The following CTNNBL1 variants were observed in gnomAD, a reference collection of about 807,000 sequenced individuals.
CTNNBL1 encodes beta-catenin-like protein 1.
A neutral mutation model predicts 72.7 loss-of-function variants in CTNNBL1; 31 were observed. That is an observed-to-expected ratio of 0.43 (90% confidence interval 0.32 to 0.58). CTNNBL1 has a LOEUF of 0.58. Among genes scored for constraint, CTNNBL1 ranks in the 20% least tolerant of loss-of-function variants. The probability of loss-of-function intolerance (pLI) is 0.08; values close to 1 mark genes in which losing one functional copy is unlikely to be tolerated. For synonymous variants in CTNNBL1, 240 were observed against 267.3 expected (o/e 0.90, Z 1.00); for missense variants, 534 against 725.1 (o/e 0.74, Z 3.03).
At chr20:37,863,942 T>C (rs1214673927) in intron 15 of CTNNBL1, among the ~76,000 whole-genome samples, 2 of 152,194 alleles carry the variant, frequency 1.3e-5, no homozygotes, top group Non-Finnish European at 2.9e-5. Flanking sequence ...GGTGTGCCCC[T>C]GTCCTGCCTC....
At chr20:37,779,467 TTC>T in intron 10 of CTNNBL1, 132 bp downstream of exon 10, 2 of 972,892 alleles carry the variant, frequency 2.1e-6, no homozygotes, top group Non-Finnish European at 3.1e-6. Flanking sequence ...GAGTAAAGTC[TTC>T]AGGCATGGGG....
intron 15 of CTNNBL1, among the ~76,000 whole-genome samples, chr20:37,866,926 C>T (rs1045789379): frequency 6.6e-6 from 1 of 152,164 alleles, no homozygotes; most frequent in South Asian, 2.1e-4. Context: ...GGCTCGACTT[C>T]CCCGGGGCCT....
intron 3 of CTNNBL1, among the ~76,000 whole-genome samples, chr20:37,740,587 A>G (rs187081027): frequency 6.6e-6 from 1 of 152,160 alleles, no homozygotes; most frequent in Admixed American, 6.5e-5. Flanking sequence ...CAGGGACAGA[A>G]TTACTTAGTT....
intron 7 of CTNNBL1, among the ~76,000 whole-genome samples, chr20:37,771,292 A>G (rs1239803451): frequency 6.6e-6 from 1 of 152,210 alleles, no homozygotes; most frequent in Non-Finnish European, 1.5e-5. Context: ...TGTCTTTGGT[A>G]TATTTTAGAA....
chr20:37,820,807 A>G (rs2072100671), intron 11 of CTNNBL1, among the ~76,000 whole-genome samples: 1 of 152,190 alleles, frequency 6.6e-6, no homozygotes, highest in Admixed American at 6.5e-5. Flanking sequence ...TAAATTGCCC[A>G]GTCTCAGGTA....
intron 11 of CTNNBL1, among the ~76,000 whole-genome samples, chr20:37,815,233 A>G (rs891213631): frequency 1.3e-5 from 2 of 151,898 alleles, no homozygotes; most frequent in Non-Finnish European, 2.9e-5. Flanking sequence ...GGCAGGGTAA[A>G]TTTCAGGTGA....
intron 15 of CTNNBL1, among the ~76,000 whole-genome samples, chr20:37,867,700 T>TGCACACAC (rs1014128825): frequency 7.2e-5 from 11 of 152,130 alleles, no homozygotes; most frequent in Admixed American, 2.0e-4. Context: ...TACATACACA[T>TGCACACAC]GCACACACGC....
chr20:37,815,247 G>A lies in CTNNBL1; in HGVS notation c.1213+12199G>A, dbSNP rs560624723. ...AGGCAGGGTAAATTTCAGGTGAAAT[G>A]ATTAGGATGTGGAGGTAATAGCAGT... On this transcript the variant is annotated intron_variant, in intron 11 of 15. Transcript: ENST00000361383. Among the ~76,000 whole-genome samples the A allele has an allele frequency of 2.6e-5, 4 of 152,030 alleles. No individual in the cohort carries two copies. The East Asian group carries it at 7.7e-4, about 29-fold the overall frequency.
At chr20:37,817,644 A>G (rs572449012) in intron 11 of CTNNBL1, among the ~76,000 whole-genome samples, 1 of 152,280 alleles carries the variant, frequency 6.6e-6, no homozygotes, top group Non-Finnish European at 1.5e-5. Flanking sequence ...TATATCACAG[A>G]CGAATCACCT....
intron 1 of CTNNBL1, among the ~76,000 whole-genome samples, chr20:37,702,474 T>C (rs1422000439): frequency 6.6e-6 from 1 of 152,194 alleles, no homozygotes; most frequent in Non-Finnish European, 1.5e-5. Context: ...CTCATCCCAG[T>C]AGCCCTAAGA....
intron 13 of CTNNBL1, among the ~76,000 whole-genome samples, chr20:37,847,310 T>G (rs897682479): frequency 1.4e-4 from 22 of 152,334 alleles, no homozygotes; most frequent in South Asian, 4.1e-4. Flanking sequence ...GTTCCATGTC[T>G]TGGGCAGTGG....
At chr20:37,828,124 A>G (rs145664224) in intron 11 of CTNNBL1, among the ~76,000 whole-genome samples, 18 of 152,310 alleles carry the variant, frequency 1.2e-4, no homozygotes, top group South Asian at 4.2e-4. Context: ...TTGTTATGAT[A>G]TCACATTCAG....
intron 3 of CTNNBL1, among the ~76,000 whole-genome samples, chr20:37,742,160 T>C (rs548259634): frequency 6.6e-6 from 1 of 152,356 alleles, no homozygotes; most frequent in African/African-American, 2.4e-5. Flanking sequence ...GAATCTTGGT[T>C]GTTTCCCTGA....
chr20:37,712,831 T>G (rs2072950277), intron 1 of CTNNBL1, among the ~76,000 whole-genome samples: 1 of 152,230 alleles, frequency 6.6e-6, no homozygotes, highest in Non-Finnish European at 1.5e-5. Flanking sequence ...CAAGCATATC[T>G]GCAGAGGAAC....
intron 13 of CTNNBL1, among the ~76,000 whole-genome samples, chr20:37,855,777 C>G (rs562140874): frequency 1.3e-5 from 2 of 152,250 alleles, no homozygotes. Context: ...CTCTGGCCAG[C>G]CTGTATGCCT....
At chr20:37,767,109 T>C (rs2073475856) in intron 6 of CTNNBL1, among the ~76,000 whole-genome samples, 1 of 152,070 alleles carries the variant, frequency 6.6e-6, no homozygotes, top group South Asian at 2.1e-4. Context: ...CCTTTCTCCT[T>C]CAAAATTCAC....
At chr20:37,818,542 GACTAC>G (rs1356420943) in intron 11 of CTNNBL1, among the ~76,000 whole-genome samples, 1 of 152,204 alleles carries the variant, frequency 6.6e-6, no homozygotes, top group African/African-American at 2.4e-5. Context: ...CAGTGAGCCA[GACTAC>G]TGTCTTTGTC....
intron 7 of CTNNBL1, among the ~76,000 whole-genome samples, chr20:37,769,911 A>C (rs2073507463): frequency 6.6e-6 from 1 of 152,178 alleles, no homozygotes; most frequent in African/African-American, 2.4e-5. Flanking sequence ...CATATGCTGC[A>C]TGGTTTTCTC....
intron 2 of CTNNBL1, among the ~76,000 whole-genome samples, chr20:37,735,621 C>T (rs1292122713): frequency 1.3e-5 from 2 of 152,116 alleles, no homozygotes; most frequent in Admixed American, 6.5e-5. Flanking sequence ...AAGCTGTAGA[C>T]CCTGGGGAGG....
Sources: allele counts gnomAD v4.1 joint callset (sites outside exome capture counted in the v4.1 genomes callset), GRCh38; gene constraint gnomAD v4.1.1; transcripts MANE v1.5; gene names NCBI Gene and HGNC (gene_info 2026-07-23, HGNC 2026-07-21).